RIC8B: variants seen among roughly 807,000 people sequenced by gnomAD.
RIC8B encodes the protein chaperone Ric-8B.
RIC8B carries 16 observed loss-of-function variants against 57.5 expected under a neutral mutation model. The observed-to-expected ratio is 0.28, with a 90% CI of 0.19 to 0.42. The LOEUF (loss-of-function observed/expected upper bound fraction) is 0.42. Among genes scored for constraint, RIC8B ranks in the 10% least tolerant of loss-of-function variants. The pLI is 1.00. For synonymous variants in RIC8B, 216 were observed against 250.8 expected (o/e 0.86, Z 1.31); for missense variants, 481 against 677.0 (o/e 0.71, Z 3.21).
At chr12:106,776,773 G>A (rs1034015907) in intron 1 of RIC8B, among the ~76,000 whole-genome samples, 1 of 152,202 alleles carries the variant, frequency 6.6e-6, no homozygotes, top group Non-Finnish European at 1.5e-5. Flanking sequence ...GGTATCTGAA[G>A]TGTTTCAAAA....
Position 106,814,736 on chromosome 12 carries a change from T to A in RIC8B, c.173T>A (p.Ile58Asn). 8.1e-6 allele frequency: 13 copies of A among 1,613,026 alleles called. No individual in the cohort carries two copies. The highest frequency in any genetic ancestry group is 4.5e-5 in the East Asian group (2 of 44,874). The change falls in exon 3 of 10, where the codon ATC becomes AAC. Residue 58 changes from isoleucine to asparagine, a missense_variant. Transcript: ENST00000392837. Reference sequence around the variant, plus strand: ...ATATTTAAAGTCCTTATAAAGGACATCCCAACAACATGTCAAGTGTCCTGC... The same window carrying A: ...ATATTTAAAGTCCTTATAAAGGACAACCCAACAACATGTCAAGTGTCCTGC... ...EGIFKVLIKD[I>N]PTTCQVSCLE...
chr12:106,866,283 TA>T (rs1301570717), intron 8 of RIC8B, among the ~76,000 whole-genome samples: 2 of 152,172 alleles, frequency 1.3e-5, no homozygotes, highest in Non-Finnish European at 2.9e-5. Flanking sequence ...TTTTTTGAGT[TA>T]GTCAGCCCCT....
intron 8 of RIC8B, among the ~76,000 whole-genome samples, chr12:106,862,956 G>T (rs1950000422): frequency 6.6e-6 from 1 of 151,994 alleles, no homozygotes; most frequent in African/African-American, 2.4e-5. Context: ...ATAAATTTTT[G>T]GTGTATGTCT....
intron 2 of RIC8B, among the ~76,000 whole-genome samples, chr12:106,813,663 C>A (rs1360164390): frequency 1.3e-5 from 2 of 152,066 alleles, no homozygotes; most frequent in African/African-American, 4.8e-5. Context: ...CACAATGGGA[C>A]CCACAGGCAG....
At chr12:106,787,237 G>A (rs1006790675) in intron 2 of RIC8B, among the ~76,000 whole-genome samples, 9 of 152,158 alleles carry the variant, frequency 5.9e-5, no homozygotes, top group Non-Finnish European at 1.2e-4. Flanking sequence ...ACCTAGCCAG[G>A]TAATCTTCAT....
intron 2 of RIC8B, among the ~76,000 whole-genome samples, chr12:106,787,836 CAG>C (rs2044103123): frequency 6.6e-6 from 1 of 152,138 alleles, no homozygotes; most frequent in Non-Finnish European, 1.5e-5. Context: ...GGTGAGGACA[CAG>C]AGCCAAACCA....
rs1303096188 is a variant in RIC8B at position 106,825,864 on chromosome 12, G to T, written c.836+44G>T. ...GATATCCCAATGAAGGACATCATCA[G>T]TTGTTCTTGGTTTTATGCATCTAAT... is the stretch of plus-strand genomic sequence containing the variant. On this transcript the variant is annotated intron_variant, in intron 4 of 9. Coordinates refer to ENST00000392837, the MANE Select transcript of RIC8B (RefSeq NM_001330145.2). 16 of 1,324,986 alleles carry T rather than the reference G, an allele frequency of 1.2e-5. 1 individual carries two copies. The highest frequency in any genetic ancestry group is 1.2e-4 in the African/African-American group (8 of 69,140). 82.1% of individuals were successfully genotyped at this position (1,324,986 alleles called of 1,614,324 possible). A position where few individuals can be genotyped will look rare whatever the true frequency, so the allele number is the denominator to read the frequency against.
At chr12:106,800,040 C>T (rs1252282624) in intron 2 of RIC8B, among the ~76,000 whole-genome samples, 6 of 152,154 alleles carry the variant, frequency 3.9e-5, no homozygotes, top group Admixed American at 2.6e-4. Flanking sequence ...CACATAACCA[C>T]TTCTTTGTAT....
At chr12:106,860,624 A>G (rs1391137202) in intron 8 of RIC8B, among the ~76,000 whole-genome samples, 1 of 152,176 alleles carries the variant, frequency 6.6e-6, no homozygotes, top group East Asian at 1.9e-4. Flanking sequence ...GATATTTTCA[A>G]CGTACTTATT....
intron 7 of RIC8B, among the ~76,000 whole-genome samples, chr12:106,853,801 G>A (rs1949595673): frequency 6.6e-6 from 1 of 152,034 alleles, no homozygotes; most frequent in African/African-American, 2.4e-5. Context: ...TTGATTATAA[G>A]TTTAGTAAAT....
intron 4 of RIC8B, among the ~76,000 whole-genome samples, chr12:106,834,118 C>G (rs2046480674): frequency 6.6e-6 from 1 of 152,114 alleles, no homozygotes; most frequent in Non-Finnish European, 1.5e-5. Flanking sequence ...TCAGCTATTC[C>G]TTTATGGGAC....
At chr12:106,779,449 C>G (rs2043647235) in intron 1 of RIC8B, among the ~76,000 whole-genome samples, 1 of 151,966 alleles carries the variant, frequency 6.6e-6, no homozygotes, top group Admixed American at 6.5e-5. Context: ...CCGGGCTGGT[C>G]ATGAACTCCT....
Position 106,814,801 on chromosome 12 carries a change from T to A in RIC8B, c.238T>A (p.Leu80Ile). ...CATTCTCTCCAGAGACAAAAAGGTT[T>A]TAGTTCCTGTGACAACTAAGGAAAA... ...LRILSRDKKV[L>I]VPVTTKENMQ... Residue 80 changes from leucine to isoleucine, a missense_variant, in exon 3 of 10, where the codon TTA (leucine) becomes ATA (isoleucine). Around this residue, in one of 3 missense-constraint regions of RIC8B, gnomAD observed 421 missense variants for 560.9 expected, o/e 0.75. Transcript: ENST00000392837. 6.2e-7 allele frequency: 1 copy of A among 1,614,238 alleles called. No homozygotes were observed. The highest frequency in any genetic ancestry group is 8.5e-7 in the Non-Finnish European group (1 of 1,180,034).
rs549710104 is a variant in RIC8B at position 106,887,168 on chromosome 12, A to G, written c.*1153A>G. 2 of 152,664 alleles carry G rather than the reference A, an allele frequency of 1.3e-5. No individual in the cohort carries two copies. Among genetic ancestry groups the G allele is most frequent in the East Asian group, 3.9e-4 (2 of 5,178 alleles). 9.5% of individuals were successfully genotyped at this position (152,664 alleles called of 1,614,324 possible). A position where few individuals can be genotyped will look rare whatever the true frequency, so the allele number is the denominator to read the frequency against. On this transcript the variant is annotated 3_prime_UTR_variant, in exon 10 of 10. Coordinates refer to ENST00000392837, the MANE Select transcript of RIC8B (RefSeq NM_001330145.2). The stretch of plus-strand genomic sequence containing the variant: ...AGTTGAAAAGGGGTTGGTTTCCTGT[A>G]TATATATGTATGTATATACACACGT...
chr12:106,881,733 G>A (rs1950943089), intron 9 of RIC8B, among the ~76,000 whole-genome samples: 1 of 152,112 alleles, frequency 6.6e-6, no homozygotes, highest in African/African-American at 2.4e-5. Context: ...AGCCTTTTAG[G>A]AGTGAGTCTC....
intron 8 of RIC8B, among the ~76,000 whole-genome samples, chr12:106,861,798 A>G (rs1240150368): frequency 1.3e-5 from 2 of 152,090 alleles, no homozygotes; most frequent in South Asian, 2.1e-4. Flanking sequence ...GAGAAATTTC[A>G]TATTTCTAAA....
intron 6 of RIC8B, among the ~76,000 whole-genome samples, chr12:106,850,399 G>A (rs1286173670): frequency 6.6e-6 from 1 of 152,138 alleles, no homozygotes; most frequent in African/African-American, 2.4e-5. Flanking sequence ...AACAAAACAG[G>A]AATAGAAAAG....
At chr12:106,831,329 A>C (rs779578948) in intron 4 of RIC8B, among the ~76,000 whole-genome samples, 14 of 152,186 alleles carry the variant, frequency 9.2e-5, no homozygotes, top group Admixed American at 2.0e-4. Context: ...CTCTGTCTTA[A>C]GGATTAAGAG....
intron 4 of RIC8B, 127 bp downstream of exon 4, chr12:106,825,947 G>A: frequency 1.6e-6 from 1 of 631,732 alleles, no homozygotes. Context: ...GTAACTGGTA[G>A]GTCAGAAATC....
Sources: gnomAD v4.1 joint callset for allele counts (sites outside exome capture counted in the v4.1 genomes callset) on GRCh38, gnomAD v4.1.1 for gene constraint, gnomAD v4.1.1 regional missense constraint, MANE v1.5 for transcripts, NCBI Gene and HGNC (gene_info 2026-07-23, HGNC 2026-07-21) for gene names.